The following SNTG2 variants were observed in gnomAD, a reference collection of about 807,000 sequenced individuals.
The protein encoded by SNTG2 is syntrophin gamma 2, also known as gamma-2-syntrophin.
Under a neutral mutation model 70.9 loss-of-function variants are expected in SNTG2, and 74 were observed. The ratio of observed to expected loss-of-function variants is 1.04; its 90% CI spans 0.86 to 1.27. The LOEUF is 1.27. SNTG2 is among the 50% of genes most tolerant of loss of function. The pLI, the probability that SNTG2 is intolerant of heterozygous loss-of-function variation, is 0.00. For synonymous variants in SNTG2, 278 were observed against 273.8 expected, an observed-to-expected ratio of 1.02 and a Z score of -0.15; for missense variants, 717 against 690.7, an observed-to-expected ratio of 1.04 and a Z score of -0.43.
intron 1 of SNTG2, among the ~76,000 whole-genome samples, chr2:981,879 A>G (rs1039073199): frequency 6.6e-6 from 1 of 152,174 alleles, no homozygotes; most frequent in Non-Finnish European, 1.5e-5. Context: ...GCACACAGAT[A>G]TACATTCACA....
intron 4 of SNTG2, among the ~76,000 whole-genome samples, chr2:1,136,526 A>G (rs1668397067): frequency 6.6e-6 from 1 of 152,204 alleles, no homozygotes; most frequent in Non-Finnish European, 1.5e-5. Context: ...GTACACTGAT[A>G]TGAAAACTAT....
At chr2:1,222,139 C>A (rs75447449) in intron 9 of SNTG2, among the ~76,000 whole-genome samples, 7 of 116,002 alleles carry the variant, frequency 6.0e-5, no homozygotes, top group African/African-American at 1.1e-4. Flanking sequence ...CTCTCTGTCT[C>A]TCTCTGTCTC....
rs146787130 is a variant in SNTG2, at chr2:1,117,659, C to A, written c.325+19249C>A. Among the ~76,000 whole-genome samples the A allele has an allele frequency of 4.8e-3, 725 of 152,256 alleles. 6 individuals carry two copies. Among genetic ancestry groups the A allele is most frequent in the African/African-American group, 0.017 (692 of 41,550 alleles). On this transcript the variant is annotated intron_variant, in intron 4 of 16. Transcript: ENST00000308624. ...CCTCCAGGGTGAACAGCAACAGCTC[C>A]CTGAAACTGGACGAGCTCCCCAGAG...
chr2:1,031,557 A>C (rs1237036165), intron 1 of SNTG2, among the ~76,000 whole-genome samples: 3 of 71,270 alleles, frequency 4.2e-5, no homozygotes, highest in African/African-American at 1.3e-4. Context: ...TTGAGGCGAA[A>C]TCTCACTCCA....
chr2:1,222,139 C>CTGTCTCTCTCTG (rs1553362403), intron 9 of SNTG2, among the ~76,000 whole-genome samples: 1 of 116,008 alleles, frequency 8.6e-6, no homozygotes, highest in Non-Finnish European at 2.0e-5. Flanking sequence ...CTCTCTGTCT[C>CTGTCTCTCTCTG]TCTCTGTCTC....
At chr2:1,251,429 CCACACACCA>C (rs374963661) in intron 12 of SNTG2, among the ~76,000 whole-genome samples, 13,746 of 149,598 alleles carry the variant, frequency 0.092, 669 homozygotes, top group South Asian at 0.15. Flanking sequence ...CATGCACACA[CCACACACCA>C]CACACACCAC....
intron 1 of SNTG2, among the ~76,000 whole-genome samples, chr2:1,032,648 C>A (rs530365798): frequency 6.6e-6 from 1 of 152,278 alleles, no homozygotes; most frequent in African/African-American, 2.4e-5. Context: ...TTAAGAAGGA[C>A]AACATGTAGT....
intron 12 of SNTG2, among the ~76,000 whole-genome samples, chr2:1,252,981 A>T (rs933755947): frequency 4.6e-5 from 7 of 152,196 alleles, no homozygotes; most frequent in African/African-American, 1.7e-4. Flanking sequence ...TAGCAGTCTT[A>T]CTTTGCCCAG....
chr2:1,157,283 A>G (rs1243152013), intron 6 of SNTG2, among the ~76,000 whole-genome samples: 1 of 152,030 alleles, frequency 6.6e-6, no homozygotes, highest in Non-Finnish European at 1.5e-5. Context: ...CCCTGGCTCT[A>G]CCCCTGACCC....
At chr2:1,230,485 C>T (rs564194501) in intron 9 of SNTG2, among the ~76,000 whole-genome samples, 3 of 152,274 alleles carry the variant, frequency 2.0e-5, no homozygotes, top group South Asian at 2.1e-4. Flanking sequence ...CACAGATCAC[C>T]CTCTGTCCTG....
At position 1,209,158 on chromosome 2, in the gene SNTG2, G is replaced by A; in HGVS notation, c.647G>A (p.Trp216Ter). 6.2e-7 allele frequency: 1 copy of A among 1,613,966 alleles called. No homozygotes were observed. The highest frequency in any genetic ancestry group is 8.5e-7 in the Non-Finnish European group (1 of 1,179,900). ...AAGGACCCGAGGTATGAGAAGCGCT[G>A]GCTGGACACCTTGTCCGTGCCTCTG... ...IAKDPRYEKR[W>*]LDTLSVPLSM... The change falls in exon 9 of 17, where the codon TGG becomes TAG. Residue 216 changes from tryptophan (W) to a stop codon, truncating the protein, a stop_gained. Coordinates refer to ENST00000308624, the MANE Select transcript of SNTG2 (RefSeq NM_018968.4). LOFTEE classifies it high-confidence loss of function.
intron 1 of SNTG2, among the ~76,000 whole-genome samples, chr2:1,018,819 A>G (rs1393536783): frequency 6.6e-6 from 1 of 152,214 alleles, no homozygotes; most frequent in East Asian, 1.9e-4. Context: ...ACGTGCTTTC[A>G]CTTAATGGGC....
At chr2:1,268,127 G>A (rs768468574) in intron 14 of SNTG2, among the ~76,000 whole-genome samples, 4 of 152,172 alleles carry the variant, frequency 2.6e-5, no homozygotes, top group Non-Finnish European at 5.9e-5. Context: ...GAGGAAGAAT[G>A]CATTATAATC....
chr2:1,091,685 A>T (rs1295891272), intron 2 of SNTG2, among the ~76,000 whole-genome samples: 1 of 152,224 alleles, frequency 6.6e-6, no homozygotes, highest in East Asian at 1.9e-4. Context: ...GTGAGAAGCC[A>T]GATCCAACTC....
chr2:1,152,626 C>T (rs537706028), intron 6 of SNTG2, among the ~76,000 whole-genome samples: 123 of 151,974 alleles, frequency 8.1e-4, no homozygotes, highest in African/African-American at 2.8e-3. Flanking sequence ...ATGTATGCAT[C>T]TGTGTGTGTT....
intron 9 of SNTG2, among the ~76,000 whole-genome samples, chr2:1,229,303 C>T (rs955039233): frequency 7.5e-5 from 3 of 39,760 alleles, no homozygotes; most frequent in African/African-American, 3.3e-4. Flanking sequence ...TCCACGTTCC[C>T]ATCAGGTTAG....
At chr2:1,158,203 T>C (rs1372291072) in intron 6 of SNTG2, 1 of 152,266 alleles carries the variant, frequency 6.6e-6, no homozygotes, top group African/African-American at 2.4e-5. Flanking sequence ...ATCCTGGTTT[T>C]AAAACTAATT....
At chr2:1,022,795 T>A (rs1306857220) in intron 1 of SNTG2, among the ~76,000 whole-genome samples, 1 of 152,192 alleles carries the variant, frequency 6.6e-6, no homozygotes, top group Non-Finnish European at 1.5e-5. Context: ...TCTTTCCCCC[T>A]TCCATGAGAA....
chr2:967,391 C>T (rs1660602710), intron 1 of SNTG2, among the ~76,000 whole-genome samples: 1 of 152,052 alleles, frequency 6.6e-6, no homozygotes, highest in Non-Finnish European at 1.5e-5. Context: ...ATGAAGTTCC[C>T]TTCTCTTAGT....
Sources: allele counts gnomAD v4.1 joint callset (sites outside exome capture counted in the v4.1 genomes callset), GRCh38; gene constraint gnomAD v4.1.1; transcripts MANE v1.5; gene names NCBI Gene and HGNC (gene_info 2026-07-23, HGNC 2026-07-21).